NCAPG2: variants seen among roughly 807,000 people sequenced by gnomAD.
NCAPG2 encodes the protein condensin-2 complex subunit G2.
A neutral mutation model predicts 141.1 loss-of-function variants in NCAPG2; 53 were observed. That is an observed-to-expected ratio of 0.38 (90% confidence interval 0.30 to 0.47). The LOEUF (loss-of-function observed/expected upper bound fraction) is 0.47. Ranked by LOEUF, NCAPG2 falls within the 20% of genes least tolerant of loss-of-function variation. The pLI is 0.99. For missense variants in NCAPG2, 1,087 were observed against 1,389.0 expected, an observed-to-expected ratio of 0.78 and a Z score of 3.46; for synonymous variants, 499 against 490.7, an observed-to-expected ratio of 1.02 and a Z score of -0.22.
chr7:158,671,608 G>A lies in NCAPG2; in HGVS notation c.1385C>T (p.Pro462Leu). 3.7e-6 allele frequency: 6 copies of A among 1,614,156 alleles called. No individual in the cohort carries two copies. The highest frequency in any genetic ancestry group is 4.2e-6 in the Non-Finnish European group (5 of 1,180,014). ...GTCGTGGAGACTGTATCTGAGAGCTGGAAGGAGCTGCTCTAACAATGGGTG... is the reference window on the plus strand; with the variant it reads ...GTCGTGGAGACTGTATCTGAGAGCTAGAAGGAGCTGCTCTAACAATGGGTG... Reference protein sequence around the residue: ...LSHPLLEQLLPALRYSLHDNS... With the variant: ...LSHPLLEQLLLALRYSLHDNS... The change falls in exon 13 of 28, where the codon CCA (proline) becomes CTA (leucine). Residue 462 changes from proline to leucine, a missense_variant. Physicochemically the swap from Pro to Leu is moderately conservative, Grantham distance 98. Coordinates refer to ENST00000356309, the MANE Select transcript of NCAPG2 (RefSeq NM_017760.7).
intron 27 of NCAPG2, among the ~76,000 whole-genome samples, chr7:158,635,543 A>G (rs1830127576): frequency 6.6e-6 from 1 of 152,268 alleles, no homozygotes; most frequent in African/African-American, 2.4e-5. Context: ...CAAATTACAA[A>G]TTTATTACTA....
In NCAPG2 at chr7:158,644,143, G is replaced by A. The variant is rs569408222; in HGVS notation, c.3380+146C>T. On this transcript the variant is annotated intron_variant, in intron 27 of 27. Coordinates refer to ENST00000356309, the MANE Select transcript of NCAPG2 (RefSeq NM_017760.7). The stretch of plus-strand genomic sequence containing the variant: ...AATTAAACGTAAGCTAAAGGTCTTT[G>A]CCAACAGAAACATTTCTCTCCTTAG... The A allele has an allele frequency of 4.4e-5, 26 of 596,872 alleles. No individual in the cohort carries two copies. In the South Asian group the frequency reaches 5.4e-4, roughly 12 times the overall value. 37.0% of individuals were successfully genotyped at this position (596,872 alleles called of 1,614,324 possible).
chr7:158,635,555 C>T (rs1281751421), intron 27 of NCAPG2, among the ~76,000 whole-genome samples: 4 of 152,046 alleles, frequency 2.6e-5, no homozygotes, highest in Admixed American at 1.3e-4. Context: ...TTATTACTAT[C>T]GATACAATTT....
Position 158,656,296 on chromosome 7 carries a change from T to C in NCAPG2, c.2352A>G (p.Lys784=). ...CAAGGGCTTTCAAAAGATGGTTAAG[T>C]TTCTTCCGAGGAGCAGAGAGCAAGC... ...RECLLSAPRK[K]LNHLLKALET... is the part of the protein sequence containing the mutation. The change falls in exon 19 of 28, where the codon AAA becomes AAG. Residue 784 remains lysine, a synonymous_variant. Coordinates refer to ENST00000356309, the MANE Select transcript of NCAPG2 (RefSeq NM_017760.7). 6.2e-7 allele frequency: 1 copy of C among 1,614,190 alleles called. No individual in the cohort carries two copies.
intron 24 of NCAPG2, among the ~76,000 whole-genome samples, chr7:158,648,033 A>T (rs1831161621): frequency 6.6e-6 from 1 of 152,214 alleles, no homozygotes; most frequent in African/African-American, 2.4e-5. Context: ...CCAGGATTAT[A>T]ATACAAATTT....
intron 27 of NCAPG2, among the ~76,000 whole-genome samples, chr7:158,635,780 G>A (rs936351390): frequency 3.3e-5 from 5 of 152,134 alleles, no homozygotes; most frequent in African/African-American, 4.8e-5. Flanking sequence ...TTAAGAAAAC[G>A]TGCACTTTTA....
intron 13 of NCAPG2, among the ~76,000 whole-genome samples, chr7:158,669,092 A>C (rs1289255374): frequency 6.6e-6 from 1 of 152,202 alleles, no homozygotes; most frequent in Non-Finnish European, 1.5e-5. Flanking sequence ...CCTGCAAAGA[A>C]CATGATCTCG....
At chr7:158,686,483 C>T (rs1415765988) in intron 7 of NCAPG2, among the ~76,000 whole-genome samples, 1 of 152,162 alleles carries the variant, frequency 6.6e-6, no homozygotes, top group Non-Finnish European at 1.5e-5. Flanking sequence ...TTACCCAAAA[C>T]TTTACTATTT....
chr7:158,654,530 A>G, intron 22 of NCAPG2, 65 bp downstream of exon 22: 1 of 1,483,342 alleles, frequency 6.7e-7, no homozygotes, highest in Non-Finnish European at 9.3e-7. Context: ...GCTACACAGT[A>G]AAGGAGGGAG....
chr7:158,633,952 A>G lies in NCAPG2; in HGVS notation c.3381-2235T>C, dbSNP rs1830035869. 6.6e-6 allele frequency among the ~76,000 whole-genome samples: 1 copy of G among 151,924 alleles called. No homozygotes were observed. The highest frequency in any genetic ancestry group is 6.6e-5 in the Admixed American group (1 of 15,256). ...TTTTTTGTAGAGATGGGGTTTCACC[A>G]TGTTACCCAGTCTAGTAGTGAACTC... On this transcript the variant is annotated intron_variant, in intron 27 of 27. Coordinates refer to ENST00000356309, the MANE Select transcript of NCAPG2 (RefSeq NM_017760.7). This position sits in a 1 kb window ranked among gnomAD's most constrained non-coding sequence, Gnocchi z 4.1.
intron 17 of NCAPG2, among the ~76,000 whole-genome samples, chr7:158,656,940 A>G (rs1243509594): frequency 6.6e-6 from 1 of 152,242 alleles, no homozygotes; most frequent in African/African-American, 2.4e-5. Context: ...AGCAGGGCAC[A>G]GCAGCCACAC....
chr7:158,693,511 A>G lies in NCAPG2; in HGVS notation c.79-14T>C. On this transcript the variant is annotated splice_polypyrimidine_tract_variant and intron_variant, in intron 2 of 27. Transcript: ENST00000356309. ...AGAGGCCTCTTTCTGTAACATAAAT[A>G]GCAAGTGTCACATTTCAAATACAAA... 6.3e-7 allele frequency: 1 copy of G among 1,588,738 alleles called. No homozygotes were observed. The highest frequency in any genetic ancestry group is 8.6e-7 in the Non-Finnish European group (1 of 1,165,472).
chr7:158,644,173 C>T, intron 27 of NCAPG2, 116 bp downstream of exon 27: 1 of 786,398 alleles, frequency 1.3e-6, no homozygotes, highest in East Asian at 2.5e-5. Flanking sequence ...CCTTAGAGTC[C>T]CCAGTCTCCT....
intron 11 of NCAPG2, among the ~76,000 whole-genome samples, chr7:158,676,774 GA>G (rs1417080250): frequency 1.3e-5 from 2 of 151,684 alleles, no homozygotes; most frequent in Non-Finnish European, 2.9e-5. Context: ...ACTTTAATTA[GA>G]AAAAAAGATT....
chr7:158,686,235 C>G lies in NCAPG2; in HGVS notation c.774G>C (p.Leu258Phe). ...KNQLQGLQKS[L>F]MVYIAEIYFR... ...AATAAATTTCTGCAATGTATACCAT[C>G]AAAGACCTATATAAAAAGATCAAAA... The change falls in exon 8 of 28, where the codon TTG becomes TTC. Residue 258 changes from leucine (L) to phenylalanine (F), a missense_variant. By Grantham distance (22) the Leu-to-Phe change is conservative (BLOSUM62 0). Coordinates refer to ENST00000356309, the MANE Select transcript of NCAPG2 (RefSeq NM_017760.7). 6.5e-7 allele frequency: 1 copy of G among 1,547,384 alleles called. No individual in the cohort carries two copies. Among genetic ancestry groups the G allele is most frequent in the South Asian group, 1.2e-5 (1 of 81,408 alleles).
intron 16 of NCAPG2, among the ~76,000 whole-genome samples, chr7:158,661,774 A>G (rs1344881338): frequency 6.6e-6 from 1 of 152,234 alleles, no homozygotes; most frequent in Non-Finnish European, 1.5e-5. Context: ...CCCCAACAAC[A>G]CACACAACTC....
rs1832573394 is a variant in NCAPG2 at position 158,662,328 on chromosome 7, T to C, written c.1855A>G (p.Met619Val). ...ACAATGATTTCTAGTAAACCTGCCA[T>C]GCATGCAACATCGTTTACTGACAGT... ...KTLSVNDVACMAGLLEIIVIL... is the reference protein window; with the variant it reads ...KTLSVNDVACVAGLLEIIVIL... Residue 619 changes from methionine (M) to valine (V), a missense_variant, in exon 16 of 28, where the codon ATG (methionine) becomes GTG (valine). Physicochemically the swap from Met to Val is conservative, Grantham distance 21. Coordinates refer to ENST00000356309, the MANE Select transcript of NCAPG2 (RefSeq NM_017760.7). 4 of 1,602,548 alleles carry C rather than the reference T, an allele frequency of 2.5e-6. No homozygotes were observed. Among genetic ancestry groups the C allele is most frequent in the South Asian group, 1.1e-5 (1 of 87,230 alleles).
At chr7:158,657,860 C>A (rs1013077092) in intron 17 of NCAPG2, among the ~76,000 whole-genome samples, 3 of 151,962 alleles carry the variant, frequency 2.0e-5, no homozygotes, top group South Asian at 2.1e-4. Flanking sequence ...TACCCCCAAC[C>A]CTGTGCTCTC....
At chr7:158,697,146 TAGG>T (rs559881759) in intron 2 of NCAPG2, among the ~76,000 whole-genome samples, 88 of 152,316 alleles carry the variant, frequency 5.8e-4, no homozygotes, top group African/African-American at 1.8e-3. Flanking sequence ...AATGTTATCA[TAGG>T]AGATGAGATG....
Sources: allele counts gnomAD v4.1 joint callset (sites outside exome capture counted in the v4.1 genomes callset), GRCh38; gene constraint gnomAD v4.1.1; non-coding constraint Gnocchi (gnomAD v3.1); transcripts MANE v1.5; gene names NCBI Gene and HGNC (gene_info 2026-07-23, HGNC 2026-07-21).